PXDNL: variants seen among roughly 807,000 people sequenced by gnomAD.
PXDNL encodes peroxidasin like, also known as probable oxidoreductase PXDNL.
In PXDNL, 145 loss-of-function variants were observed where a neutral mutation model predicts 150.8. The ratio of observed to expected loss-of-function variants is 0.96; its 90% CI spans 0.84 to 1.10. PXDNL has a LOEUF of 1.10. Among genes scored for constraint, PXDNL ranks in the 50% least tolerant of loss-of-function variants. The pLI is 0.00. For synonymous variants in PXDNL, 757 were observed against 725.7 expected (o/e 1.04, Z -0.69); for missense variants, 2,087 against 1,873.9 (o/e 1.11, Z -2.10).
chr8:51,402,207 AT>A (rs1808271823), intron 17 of PXDNL, among the ~76,000 whole-genome samples: 1 of 152,192 alleles, frequency 6.6e-6, no homozygotes, highest in Non-Finnish European at 1.5e-5. Flanking sequence ...AAGTTACTTA[AT>A]TGGTGAAATA....
intron 9 of PXDNL, among the ~76,000 whole-genome samples, chr8:51,456,839 G>A (rs1014648360): frequency 6.6e-6 from 1 of 152,138 alleles, no homozygotes; most frequent in Non-Finnish European, 1.5e-5. Flanking sequence ...GCTCCTCAGA[G>A]CCAATTTACA....
intron 1 of PXDNL, among the ~76,000 whole-genome samples, chr8:51,780,988 C>A (rs551859310): frequency 1.3e-5 from 2 of 152,022 alleles, no homozygotes; most frequent in Non-Finnish European, 2.9e-5. Context: ...GAACACCAAC[C>A]CCATTCATGA....
intron 3 of PXDNL, among the ~76,000 whole-genome samples, chr8:51,582,817 G>T (rs556225220): frequency 4.0e-4 from 61 of 152,070 alleles, no homozygotes; most frequent in African/African-American, 5.3e-4. Context: ...TGCTTGACTT[G>T]CTTGGGACGG....
At chr8:51,603,104 C>T (rs558689823) in intron 2 of PXDNL, among the ~76,000 whole-genome samples, 2 of 151,808 alleles carry the variant, frequency 1.3e-5, no homozygotes, top group African/African-American at 2.4e-5. Flanking sequence ...TAATTATATG[C>T]AAATCTCCAA....
chr8:51,484,925 G>A (rs558293699), intron 5 of PXDNL, among the ~76,000 whole-genome samples: 5 of 152,300 alleles, frequency 3.3e-5, no homozygotes, highest in East Asian at 3.9e-4. Context: ...GAGAAAACAC[G>A]ATGGTCTCTG....
chr8:51,465,604 T>G (rs1810187931), intron 8 of PXDNL, among the ~76,000 whole-genome samples: 1 of 151,884 alleles, frequency 6.6e-6, no homozygotes, highest in African/African-American at 2.4e-5. Flanking sequence ...AGAAGAAAAG[T>G]CAAACTATCT....
At chr8:51,577,097 C>A (rs910935845) in intron 3 of PXDNL, among the ~76,000 whole-genome samples, 2 of 151,866 alleles carry the variant, frequency 1.3e-5, no homozygotes, top group East Asian at 1.9e-4. Flanking sequence ...CAAATCTACA[C>A]AATCTCTTCC....
At chr8:51,442,211 C>A (rs1809567363) in intron 12 of PXDNL, among the ~76,000 whole-genome samples, 1 of 151,332 alleles carries the variant, frequency 6.6e-6, no homozygotes, top group South Asian at 2.1e-4. Flanking sequence ...TAAAATGGAA[C>A]AAATTTGTGG....
At chr8:51,375,493 A>C (rs1181168155) in intron 17 of PXDNL, among the ~76,000 whole-genome samples, 1 of 152,224 alleles carries the variant, frequency 6.6e-6, no homozygotes, top group Non-Finnish European at 1.5e-5. Context: ...TCTAAACTAC[A>C]AATAGTTTAG....
chr8:51,334,969 C>A (rs1805794591), intron 21 of PXDNL, among the ~76,000 whole-genome samples: 1 of 152,156 alleles, frequency 6.6e-6, no homozygotes, highest in African/African-American at 2.4e-5. Flanking sequence ...GTTTCACTTT[C>A]TATAATTGTT....
chr8:51,676,256 C>G (rs1815620069), intron 1 of PXDNL, among the ~76,000 whole-genome samples: 1 of 151,918 alleles, frequency 6.6e-6, no homozygotes, highest in African/African-American at 2.4e-5. Context: ...TGTCCATTTT[C>G]TCTGTGGTTC....
At chr8:51,724,785 T>C (rs1338051288) in intron 1 of PXDNL, among the ~76,000 whole-genome samples, 2 of 152,144 alleles carry the variant, frequency 1.3e-5, no homozygotes, top group Non-Finnish European at 2.9e-5. Flanking sequence ...TTTTATCGTC[T>C]AAGGATCCCC....
chr8:51,588,807 C>T (rs1158034801), intron 3 of PXDNL, among the ~76,000 whole-genome samples: 2 of 152,128 alleles, frequency 1.3e-5, no homozygotes, highest in African/African-American at 2.4e-5. Flanking sequence ...GAAGGTCAAG[C>T]TCCTTCACTA....
At chr8:51,480,444 C>A (rs1282949108) in intron 6 of PXDNL, among the ~76,000 whole-genome samples, 5 of 152,068 alleles carry the variant, frequency 3.3e-5, no homozygotes, top group African/African-American at 1.2e-4. Context: ...TTTATAATGA[C>A]CAGATCTCAA....
chr8:51,661,630 A>G (rs1410171172), intron 1 of PXDNL, among the ~76,000 whole-genome samples: 1 of 152,136 alleles, frequency 6.6e-6, no homozygotes, highest in Non-Finnish European at 1.5e-5. Context: ...ATATCAGAGC[A>G]GCCAGCCCCC....
At chr8:51,465,788 C>T (rs1810192362) in intron 8 of PXDNL, among the ~76,000 whole-genome samples, 2 of 152,132 alleles carry the variant, frequency 1.3e-5, no homozygotes, top group African/African-American at 4.8e-5. Flanking sequence ...AATATGTAAT[C>T]TCACTTACAA....
rs145551824 is a variant in PXDNL at position 51,590,912 on chromosome 8, C to T, written c.308+1715G>A. On this transcript the variant is annotated intron_variant, in intron 3 of 22. Transcript: ENST00000356297. ...AATGTATTTTTGTATATAAGAAGGA[C>T]ATGAGTTTTGTGAGGCGAAGAGGCA... is the stretch of plus-strand genomic sequence containing the variant. Among the ~76,000 whole-genome samples the T allele has an allele frequency of 6.6e-5, 10 of 152,246 alleles. No homozygotes were observed. In the East Asian group the frequency reaches 1.7e-3, roughly 26 times the overall value.
At chr8:51,378,695 G>C (rs527571532) in intron 17 of PXDNL, among the ~76,000 whole-genome samples, 1 of 149,088 alleles carries the variant, frequency 6.7e-6, no homozygotes, top group African/African-American at 2.6e-5. Flanking sequence ...TCACTGCTGA[G>C]GCCAGCAAGA....
At chr8:51,683,840 G>A (rs1815812820) in intron 1 of PXDNL, among the ~76,000 whole-genome samples, 5 of 152,008 alleles carry the variant, frequency 3.3e-5, no homozygotes. Flanking sequence ...TAGCAAGGAG[G>A]AAGGCAGAAA....
Sources: allele counts gnomAD v4.1 joint callset (sites outside exome capture counted in the v4.1 genomes callset), GRCh38; gene constraint gnomAD v4.1.1; transcripts MANE v1.5; gene names NCBI Gene and HGNC (gene_info 2026-07-23, HGNC 2026-07-21).